Variants in TIAM1 observed in about 807,000 individuals in gnomAD.
TIAM1 encodes the protein TIAM Rac1 associated GEF 1.
A neutral mutation model predicts 163.5 loss-of-function variants in TIAM1; 65 were observed. The ratio of observed to expected loss-of-function variants is 0.40; its 90% CI spans 0.33 to 0.49. TIAM1 has a LOEUF of 0.49. TIAM1 is among the 20% of genes least tolerant of loss of function. The probability of loss-of-function intolerance (pLI) is 0.77; values close to 1 mark genes in which losing one functional copy is unlikely to be tolerated. For synonymous variants in TIAM1, 833 were observed against 810.1 expected (o/e 1.03, Z -0.48); for missense variants, 1,789 against 2,044.7 (o/e 0.87, Z 2.41).
At chr21:31,482,107 A>G (rs570418526) in intron 1 of TIAM1, among the ~76,000 whole-genome samples, 9 of 146,028 alleles carry the variant, frequency 6.2e-5, no homozygotes, top group Non-Finnish European at 1.3e-4. Context: ...ATACATATAT[A>G]TATACACACA....
At chr21:31,200,944 C>A (rs1395255123) in intron 12 of TIAM1, among the ~76,000 whole-genome samples, 1 of 152,274 alleles carries the variant, frequency 6.6e-6, no homozygotes, top group East Asian at 1.9e-4. Flanking sequence ...ACTTAAGATT[C>A]TTTTAAAATA....
At chr21:31,218,241 A>G (rs1327728440) in intron 8 of TIAM1, among the ~76,000 whole-genome samples, 2 of 152,176 alleles carry the variant, frequency 1.3e-5, no homozygotes, top group African/African-American at 4.8e-5. Flanking sequence ...TTGGCCCCCA[A>G]TATCCATTCT....
chr21:31,347,287 C>A (rs1311664755), upstream of TIAM1, among the ~76,000 whole-genome samples: 1 of 152,104 alleles, frequency 6.6e-6, no homozygotes, highest in Non-Finnish European at 1.5e-5. Flanking sequence ...GAAAATACAG[C>A]AATATCAGAA....
chr21:31,142,667 AAAAG>A (rs1463020864), intron 20 of TIAM1, among the ~76,000 whole-genome samples: 1 of 151,770 alleles, frequency 6.6e-6, no homozygotes, highest in Non-Finnish European at 1.5e-5. Flanking sequence ...AAGAAAAAGA[AAAAG>A]AAAAAAAAGG....
At chr21:31,429,227 C>A (rs949081105) in intron 2 of TIAM1, among the ~76,000 whole-genome samples, 2 of 152,114 alleles carry the variant, frequency 1.3e-5, no homozygotes, top group Non-Finnish European at 2.9e-5. Context: ...GTCTCGAACT[C>A]CTGGGCTCAA....
At chr21:31,125,073 C>T (rs1204318892) in intron 26 of TIAM1, among the ~76,000 whole-genome samples, 2 of 152,098 alleles carry the variant, frequency 1.3e-5, no homozygotes, top group Admixed American at 6.5e-5. Context: ...CTGCAGAGCA[C>T]CCAAAGGCCG....
chr21:31,335,391 T>C (rs113400899), intron 2 of TIAM1, among the ~76,000 whole-genome samples: 21 of 152,208 alleles, frequency 1.4e-4, no homozygotes, highest in Admixed American at 2.0e-4. Flanking sequence ...CTAGGAGGAA[T>C]TGGCTAATGT....
chr21:31,392,159 G>A (rs140895399), intron 2 of TIAM1, among the ~76,000 whole-genome samples: 87 of 152,282 alleles, frequency 5.7e-4, no homozygotes, highest in African/African-American at 1.9e-3. Context: ...TTCAACTTAC[G>A]ATGGGTTTAC....
intron 11 of TIAM1, among the ~76,000 whole-genome samples, chr21:31,207,809 C>T (rs1483544782): frequency 1.3e-5 from 2 of 152,280 alleles, no homozygotes; most frequent in East Asian, 1.9e-4. Flanking sequence ...AGGCTGCTCT[C>T]GAACTCCTGG....
intron 2 of TIAM1, among the ~76,000 whole-genome samples, chr21:31,459,176 A>C (rs2045229937): frequency 6.6e-6 from 1 of 152,148 alleles, no homozygotes; most frequent in Non-Finnish European, 1.5e-5. Context: ...CTGACTGCAG[A>C]TCAAAGCTCA....
rs952530452 is a variant in TIAM1, at chr21:31,501,135, G to A, written c.-421-37100C>T. ...CATATTGGACTCGCCACCATTTGGG[G>A]TTAATGATTCCCCCAAGGGATAAAG... On this transcript the variant is annotated intron_variant, in intron 1 of 28. Transcript: ENST00000286827. Among the ~76,000 whole-genome samples, 8 of 152,102 alleles carry A rather than the reference G, an allele frequency of 5.3e-5. No homozygotes were observed. The South Asian group carries it at 1.2e-3, about 24-fold the overall frequency.
At chr21:31,280,602 G>T (rs190737817) in intron 2 of TIAM1, among the ~76,000 whole-genome samples, 13 of 152,240 alleles carry the variant, frequency 8.5e-5, no homozygotes, top group African/African-American at 2.9e-4. Flanking sequence ...GAAAATGTGT[G>T]TACTGGAAGT....
At chr21:31,537,220 C>T (rs1305970045) in intron 1 of TIAM1, among the ~76,000 whole-genome samples, 1 of 152,176 alleles carries the variant, frequency 6.6e-6, no homozygotes, top group Admixed American at 6.6e-5. Context: ...AAGGCGGCCA[C>T]ATTCTGAAGT....
intron 2 of TIAM1, among the ~76,000 whole-genome samples, chr21:31,337,385 C>T (rs142420142): frequency 2.0e-3 from 311 of 152,170 alleles, no homozygotes; most frequent in African/African-American, 7.1e-3. Flanking sequence ...CCACCAAAGA[C>T]AGCAGGAGCG....
rs184598278 is a variant in TIAM1, at chr21:31,135,982, C to A, written c.3834G>T (p.Pro1278=). ...TTTTCCACTTGCCCAGCGAGGCCGG[C>A]GGGTTCAGCCAGATCACGGTAGTGT... The part of the protein sequence containing the change: ...LLHTTVIWLN[P]PASLGKWKKE... Residue 1278 remains proline (P), a synonymous_variant, in exon 23 of 28, where the codon CCG becomes CCT. Coordinates refer to ENST00000541036, the MANE Select transcript of TIAM1 (RefSeq NM_001353694.2). 1 of 1,614,174 alleles carries A rather than the reference C, an allele frequency of 6.2e-7. No homozygotes were observed. Among genetic ancestry groups the A allele is most frequent in the Non-Finnish European group, 8.5e-7 (1 of 1,180,034 alleles).
chr21:31,130,890 A>G lies in TIAM1; in HGVS notation c.3942T>C (p.Leu1314=). 6.2e-7 allele frequency: 1 copy of G among 1,613,856 alleles called. No homozygotes were observed. Among genetic ancestry groups the G allele is most frequent in the South Asian group, 1.1e-5 (1 of 91,076 alleles). ...YKDGSKQKKK[L]VGSHRLSIYE... ...CATGGGGTAACATAAGATGTCTTAC[A>G]AGTTTCTTCTTCTGTTTGGAACCAT... The change falls in exon 24 of 28, where the codon CTT becomes CTC. Residue 1314 remains leucine (L), a splice_region_variant and synonymous_variant. Transcript: ENST00000541036.
At chr21:31,264,402 C>G (rs1027266724) in intron 4 of TIAM1, among the ~76,000 whole-genome samples, 1 of 152,194 alleles carries the variant, frequency 6.6e-6, no homozygotes, top group Non-Finnish European at 1.5e-5. Flanking sequence ...ATGAAAATTA[C>G]AACAGCTAAC....
intron 2 of TIAM1, chr21:31,452,430 C>T (rs187752173): frequency 4.7e-5 from 18 of 379,012 alleles, no homozygotes; most frequent in African/African-American, 2.2e-4. Context: ...GACCCTATTT[C>T]GAAACAACAA....
intron 6 of TIAM1, among the ~76,000 whole-genome samples, chr21:31,233,511 C>G (rs1346263555): frequency 6.6e-6 from 1 of 152,162 alleles, no homozygotes; most frequent in African/African-American, 2.4e-5. Flanking sequence ...TCAAGATCAT[C>G]CTGACCAACA....
Sources: allele counts gnomAD v4.1 joint callset (sites outside exome capture counted in the v4.1 genomes callset), GRCh38; gene constraint gnomAD v4.1.1; transcripts MANE v1.5; gene names NCBI Gene and HGNC (gene_info 2026-07-23, HGNC 2026-07-21).